The following SNTG1 variants were observed in gnomAD, a reference collection of about 807,000 sequenced individuals.
SNTG1 encodes the protein gamma-1-syntrophin.
In SNTG1, 39 loss-of-function variants were observed where a neutral mutation model predicts 74.7. The observed-to-expected ratio is 0.52, with a 90% confidence interval of 0.40 to 0.68. The LOEUF (loss-of-function observed/expected upper bound fraction) is 0.68. SNTG1 is among the 30% of genes least tolerant of loss of function. The pLI, the probability that SNTG1 is intolerant of heterozygous loss-of-function variation, is 0.00. For missense variants in SNTG1, 685 were observed against 609.5 expected (o/e 1.12, Z -1.30); for synonymous variants, 254 against 217.1 (o/e 1.17, Z -1.49).
chr8:50,723,773 G>A (rs2095493267), intron 17 of SNTG1, among the ~76,000 whole-genome samples: 1 of 150,370 alleles, frequency 6.7e-6, no homozygotes, highest in African/African-American at 2.5e-5. Flanking sequence ...GGGATTCATG[G>A]CAATGAGGCC....
intron 1 of SNTG1, among the ~76,000 whole-genome samples, chr8:49,982,014 T>C (rs955989344): frequency 8.5e-5 from 13 of 152,152 alleles, no homozygotes; most frequent in African/African-American, 2.9e-4. Flanking sequence ...ATAAAATCTA[T>C]GGAGAAAACA....
At chr8:50,587,318 C>T (rs893435472) in intron 12 of SNTG1, among the ~76,000 whole-genome samples, 5 of 151,450 alleles carry the variant, frequency 3.3e-5, no homozygotes, top group Admixed American at 6.6e-5. Context: ...TTGTAAGCAT[C>T]GTATCTTATC....
chr8:49,968,797 A>G (rs1811381400), intron 1 of SNTG1, among the ~76,000 whole-genome samples: 1 of 152,170 alleles, frequency 6.6e-6, no homozygotes, highest in African/African-American at 2.4e-5. Context: ...ATAATTATTT[A>G]CAGGCGCTGT....
At chr8:50,320,552 T>A (rs1454607382) in intron 2 of SNTG1, among the ~76,000 whole-genome samples, 1 of 151,780 alleles carries the variant, frequency 6.6e-6, no homozygotes, top group Non-Finnish European at 1.5e-5. Flanking sequence ...TTTTTACTAC[T>A]TTTGTGTTTG....
chr8:50,388,034 T>G (rs1587428492), intron 2 of SNTG1, among the ~76,000 whole-genome samples: 1 of 152,294 alleles, frequency 6.6e-6, no homozygotes, highest in East Asian at 1.9e-4. Context: ...TTTGCTAAGC[T>G]GGGGTTTAAT....
chr8:50,791,599 A>G (rs747145841), intron 18 of SNTG1, among the ~76,000 whole-genome samples: 8 of 151,838 alleles, frequency 5.3e-5, no homozygotes, highest in Non-Finnish European at 1.0e-4. Flanking sequence ...ATTTTGTAAT[A>G]TTTTCCACTG....
At chr8:50,108,762 T>A (rs2080475029) in intron 1 of SNTG1, among the ~76,000 whole-genome samples, 1 of 152,186 alleles carries the variant, frequency 6.6e-6, no homozygotes, top group Admixed American at 6.6e-5. Context: ...ATTTTAGTCA[T>A]ACAGTGGCCT....
chr8:50,242,014 C>T (rs1292116508), intron 2 of SNTG1, among the ~76,000 whole-genome samples: 1 of 151,490 alleles, frequency 6.6e-6, no homozygotes, highest in Non-Finnish European at 1.5e-5. Flanking sequence ...AACTGGAGCC[C>T]TCCTTCCTCT....
intron 2 of SNTG1, among the ~76,000 whole-genome samples, chr8:50,266,614 G>T (rs1459710100): frequency 6.7e-6 from 1 of 148,582 alleles, no homozygotes; most frequent in African/African-American, 2.5e-5. Context: ...TGGGGCATAT[G>T]GTACCACAAC....
chr8:49,927,121 T>C (rs1585529818), intron 1 of SNTG1, among the ~76,000 whole-genome samples: 1 of 152,282 alleles, frequency 6.6e-6, no homozygotes, highest in Admixed American at 6.5e-5. Flanking sequence ...TTGACAAGAA[T>C]GTGGGGAAAC....
chr8:50,002,475 T>A (rs1039243465), intron 1 of SNTG1, among the ~76,000 whole-genome samples: 2 of 152,156 alleles, frequency 1.3e-5, no homozygotes, highest in African/African-American at 2.4e-5. Flanking sequence ...TTTTATAATA[T>A]GAACAGTCAT....
At chr8:50,584,753 A>G (rs1211475634) in intron 12 of SNTG1, among the ~76,000 whole-genome samples, 2 of 152,122 alleles carry the variant, frequency 1.3e-5, no homozygotes, top group Non-Finnish European at 2.9e-5. Flanking sequence ...AGGATGATGC[A>G]TTAGTGTGCC....
intron 2 of SNTG1, among the ~76,000 whole-genome samples, chr8:50,256,553 T>C (rs187673675): frequency 8.1e-4 from 123 of 152,050 alleles, no homozygotes; most frequent in African/African-American, 3.0e-3. Context: ...AGATGGACAA[T>C]ATATAAGGAA....
chr8:49,973,430 G>T (rs1267250439), intron 1 of SNTG1, among the ~76,000 whole-genome samples: 4 of 151,874 alleles, frequency 2.6e-5, no homozygotes, highest in Admixed American at 2.6e-4. Flanking sequence ...GAGTTAATGG[G>T]TGCAGCACAC....
intron 2 of SNTG1, among the ~76,000 whole-genome samples, chr8:50,295,704 T>A (rs1396176142): frequency 2.6e-5 from 4 of 152,200 alleles, no homozygotes; most frequent in African/African-American, 7.2e-5. Context: ...GTTCTTTAAC[T>A]GCCAGAGTCA....
chr8:50,510,053 G>T (rs1023331637), intron 9 of SNTG1, among the ~76,000 whole-genome samples: 12 of 152,260 alleles, frequency 7.9e-5, no homozygotes, highest in Middle Eastern at 3.4e-3. Context: ...CTGTGGGTTT[G>T]TCATAGATAG....
At chr8:50,239,261 T>C (rs1376672030) in intron 2 of SNTG1, among the ~76,000 whole-genome samples, 4 of 152,204 alleles carry the variant, frequency 2.6e-5, no homozygotes, top group African/African-American at 9.6e-5. Flanking sequence ...AGTGGAAGAC[T>C]GGATGATTTA....
intron 10 of SNTG1, among the ~76,000 whole-genome samples, chr8:50,530,732 C>T (rs746220152): frequency 9.9e-5 from 15 of 152,126 alleles, no homozygotes; most frequent in South Asian, 2.1e-4. Context: ...ATGTAAAGAA[C>T]GTTTAACTAT....
At chr8:50,533,855 C>G (rs931368810) in intron 10 of SNTG1, among the ~76,000 whole-genome samples, 3 of 152,154 alleles carry the variant, frequency 2.0e-5, no homozygotes, top group South Asian at 4.1e-4. Flanking sequence ...TATTTCCATA[C>G]TTGCCAATCT....
Sources: gnomAD v4.1 joint callset for allele counts (sites outside exome capture counted in the v4.1 genomes callset) on GRCh38, gnomAD v4.1.1 for gene constraint, MANE v1.5 for transcripts, NCBI Gene and HGNC (gene_info 2026-07-23, HGNC 2026-07-21) for gene names.